The following RFTN1 variants were observed in gnomAD, a reference collection of about 807,000 sequenced individuals.
The protein encoded by RFTN1 is raftlin.
In RFTN1, 26 loss-of-function variants were observed where a neutral mutation model predicts 46.5. The ratio of observed to expected loss-of-function variants is 0.56; its 90% CI spans 0.41 to 0.78. The LOEUF is 0.78. RFTN1 is among the 30% of genes least tolerant of loss of function. The pLI is 0.00. For synonymous variants in RFTN1, 261 were observed against 284.2 expected (o/e 0.92, Z 0.82); for missense variants, 693 against 718.7 (o/e 0.96, Z 0.41).
intron 2 of RFTN1, among the ~76,000 whole-genome samples, chr3:16,491,470 C>T (rs1431821789): frequency 6.6e-6 from 1 of 152,186 alleles, no homozygotes; most frequent in Non-Finnish European, 1.5e-5. Context: ...GGATATCCCC[C>T]AGTGTTGTCC....
chr3:16,317,303 T>C lies in RFTN1; in HGVS notation c.1333-71A>G. 6.7e-7 allele frequency: 1 copy of C among 1,499,728 alleles called. No individual in the cohort carries two copies. The highest frequency in any genetic ancestry group is 9.1e-7 in the Non-Finnish European group (1 of 1,098,086). The allele number at this position is 1,499,728 out of a possible 1,614,324, so 92.9% of individuals were successfully genotyped here. ...CCAGAGCTTCACCCAAAGCCTTGTT[T>C]GCATTCATACCCACACCATGTCTGA... On this transcript the variant is annotated intron_variant, in intron 9 of 9. Transcript: ENST00000334133. The surrounding 1 kb of genome is among the most constrained non-coding windows in gnomAD (Gnocchi z 4.3).
At chr3:16,414,345 G>A (rs568639029) in intron 3 of RFTN1, among the ~76,000 whole-genome samples, 5 of 151,246 alleles carry the variant, frequency 3.3e-5, no homozygotes, top group South Asian at 2.1e-4. Flanking sequence ...AGTGGCTCAC[G>A]CCAGTAATCC....
intron 3 of RFTN1, among the ~76,000 whole-genome samples, chr3:16,412,288 T>C (rs2074993450): frequency 6.6e-6 from 1 of 152,212 alleles, no homozygotes; most frequent in African/African-American, 2.4e-5. Flanking sequence ...CACTGAAGAA[T>C]GGCTGAAAGG....
At chr3:16,476,643 T>C (rs2076285011) in intron 2 of RFTN1, among the ~76,000 whole-genome samples, 1 of 152,016 alleles carries the variant, frequency 6.6e-6, no homozygotes, top group Admixed American at 6.5e-5. Context: ...ACCCAAGGCT[T>C]CTAGGCAGAG....
At chr3:16,389,153 CT>C (rs1430423383) in intron 4 of RFTN1, among the ~76,000 whole-genome samples, 3 of 152,254 alleles carry the variant, frequency 2.0e-5, no homozygotes, top group Admixed American at 1.3e-4. Flanking sequence ...ATGAAACACA[CT>C]TTAACAAAAT....
At chr3:16,453,321 G>T (rs2075850986) in intron 2 of RFTN1, among the ~76,000 whole-genome samples, 1 of 152,156 alleles carries the variant, frequency 6.6e-6, no homozygotes, top group African/African-American at 2.4e-5. Flanking sequence ...TAAACAATTG[G>T]CTAAAGAGAC....
In RFTN1 at chr3:16,449,583, C is replaced by G. The variant is rs1488160775; in HGVS notation, c.146-15546G>C. ...TCACCATTATGCATAACCCTAATCA[C>G]TTCACACATTGTTACTAACGTGACA... On this transcript the variant is annotated intron_variant, in intron 2 of 9. Transcript: ENST00000334133. This position sits in a 1 kb window ranked among gnomAD's most constrained non-coding sequence, Gnocchi z 5.1. Among the ~76,000 whole-genome samples, 8 of 152,234 alleles carry G rather than the reference C, an allele frequency of 5.3e-5. No individual in the cohort carries two copies. The highest frequency in any genetic ancestry group is 3.9e-4 in the Admixed American group (6 of 15,292).
chr3:16,490,569 G>A (rs1049002120), intron 2 of RFTN1, among the ~76,000 whole-genome samples: 2 of 152,208 alleles, frequency 1.3e-5, no homozygotes, highest in African/African-American at 4.8e-5. Context: ...TCAGATGTGT[G>A]TTTTACACAA....
At chr3:16,464,191 A>C (rs2076051967) in intron 2 of RFTN1, among the ~76,000 whole-genome samples, 1 of 151,948 alleles carries the variant, frequency 6.6e-6, no homozygotes, top group Non-Finnish European at 1.5e-5. Flanking sequence ...TTGTCTCTCC[A>C]CTCCAGTCCC....
At position 16,317,125 on chromosome 3, in the gene RFTN1, GTTC is replaced by G. The variant is rs1559795642; in HGVS notation, c.1437_1439del (p.Lys479del). 1.2e-6 allele frequency: 2 copies of G among 1,613,806 alleles called. No homozygotes were observed. The highest frequency in any genetic ancestry group is 1.7e-6 in the Non-Finnish European group (2 of 1,179,976). On this transcript the variant is annotated inframe_deletion, in exon 10 of 10. Coordinates refer to ENST00000334133, the MANE Select transcript of RFTN1 (RefSeq NM_015150.2). This position sits in a 1 kb window ranked among gnomAD's most constrained non-coding sequence, Gnocchi z 4.3. ...CAGCTTTGGAAGACTGGTCTTCTAA[GTTC>G]TTCTCATTTTCTTCTGCTTGTTGTT... is the stretch of plus-strand genomic sequence containing the variant.
In RFTN1 at chr3:16,383,768, G is replaced by C. The variant is rs1321778505; in HGVS notation, c.442-5666C>G. ...AAAAATGAAGGCTATATGGAACATA[G>C]GAAAAGGAAGAGAAAAGCCTCCTGC... On this transcript the variant is annotated intron_variant, in intron 4 of 9. Coordinates refer to ENST00000334133, the MANE Select transcript of RFTN1 (RefSeq NM_015150.2). This position sits in a 1 kb window ranked among gnomAD's most constrained non-coding sequence, Gnocchi z 4.0. 6.6e-6 allele frequency among the ~76,000 whole-genome samples: 1 copy of C among 152,270 alleles called. No homozygotes were observed. Among genetic ancestry groups the C allele is most frequent in the Non-Finnish European group, 1.5e-5 (1 of 68,026 alleles).
Position 16,407,732 on chromosome 3 carries a change from G to C in RFTN1, c.441+1643C>G, listed in dbSNP as rs2074893134. Among the ~76,000 whole-genome samples the C allele has an allele frequency of 6.6e-6, 1 of 152,058 alleles. No individual in the cohort carries two copies. Among genetic ancestry groups the C allele is most frequent in the Non-Finnish European group, 1.5e-5 (1 of 68,026 alleles). ...GCTCTATTTCTATAGAAAGCTACAT[G>C]CGTTATTAAAACACTTGTGTTCTCA... On this transcript the variant is annotated intron_variant, in intron 4 of 9. Transcript: ENST00000334133. The surrounding 1 kb of genome is among the most constrained non-coding windows in gnomAD (Gnocchi z 4.0).
intron 7 of RFTN1, among the ~76,000 whole-genome samples, chr3:16,328,538 C>T (rs1276537298): frequency 3.3e-5 from 5 of 152,192 alleles, no homozygotes; most frequent in African/African-American, 9.7e-5. Flanking sequence ...GAACCCTTGG[C>T]GACTAATTTA....
chr3:16,363,827 AGCACCACCTTGATTCCAGGATTCTTG>A (rs2307974), intron 6 of RFTN1, among the ~76,000 whole-genome samples: 70,431 of 151,724 alleles, frequency 0.46, 16,560 homozygotes, highest in Admixed American at 0.56. Flanking sequence ...GAGGTCGCAC[AGCACCACCTTGATTCCAGGATTCTTG>A]GCACCACCTT....
chr3:16,493,183 T>C (rs1304323096), intron 2 of RFTN1, among the ~76,000 whole-genome samples: 1 of 152,062 alleles, frequency 6.6e-6, no homozygotes, highest in African/African-American at 2.4e-5. Context: ...CCTATCCATA[T>C]GTATTGCTTG....
chr3:16,511,781 A>G (rs1304568960), intron 1 of RFTN1, among the ~76,000 whole-genome samples: 1 of 152,064 alleles, frequency 6.6e-6, no homozygotes, highest in African/African-American at 2.4e-5. Flanking sequence ...CCTGCTCAAG[A>G]GGGAGAAAAA....
Position 16,475,105 on chromosome 3 carries a change from C to T in RFTN1, c.145+18620G>A, listed in dbSNP as rs917569034. Reference sequence around the variant, plus strand: ...TGTTTAAAAGAGCATGGCACCTCCTCGTCTCTTGCTTCCTCTCTCACCATG... The same window carrying T: ...TGTTTAAAAGAGCATGGCACCTCCTTGTCTCTTGCTTCCTCTCTCACCATG... On this transcript the variant is annotated intron_variant, in intron 2 of 9. Coordinates refer to ENST00000334133, the MANE Select transcript of RFTN1 (RefSeq NM_015150.2). The surrounding 1 kb of genome is among the most constrained non-coding windows in gnomAD (Gnocchi z 4.2). Among the ~76,000 whole-genome samples the T allele has an allele frequency of 6.6e-5, 10 of 152,274 alleles. No individual in the cohort carries two copies. Among genetic ancestry groups the T allele is most frequent in the African/African-American group, 2.4e-4 (10 of 41,546 alleles).
At chr3:16,438,824 G>A (rs34331768) in intron 2 of RFTN1, among the ~76,000 whole-genome samples, 3,909 of 152,134 alleles carry the variant, frequency 0.026, 63 homozygotes, top group Non-Finnish European at 0.038. Flanking sequence ...TGGTGAATGG[G>A]AGGACTGGTC....
In RFTN1 at chr3:16,427,545, G is replaced by T. The variant is rs1400028932; in HGVS notation, c.332+6306C>A. 6.6e-6 allele frequency among the ~76,000 whole-genome samples: 1 copy of T among 152,234 alleles called. No individual in the cohort carries two copies. Among genetic ancestry groups the T allele is most frequent in the African/African-American group, 2.4e-5 (1 of 41,456 alleles). On this transcript the variant is annotated intron_variant, in intron 3 of 9. Coordinates refer to ENST00000334133, the MANE Select transcript of RFTN1 (RefSeq NM_015150.2). The surrounding 1 kb of genome is among the most constrained non-coding windows in gnomAD (Gnocchi z 5.4). ...TTGCTCGTAAGCACTTGGGAGTACA[G>T]CTTGCTGATATGGCCTAAGAGGAAA...
Sources: allele counts gnomAD v4.1 joint callset (sites outside exome capture counted in the v4.1 genomes callset), GRCh38; gene constraint gnomAD v4.1.1; non-coding constraint Gnocchi (gnomAD v3.1); transcripts MANE v1.5; gene names NCBI Gene and HGNC (gene_info 2026-07-23, HGNC 2026-07-21).